UBTD1: variants seen among roughly 807,000 people sequenced by gnomAD.
UBTD1 encodes ubiquitin domain-containing protein 1.
UBTD1 carries 19 observed loss-of-function variants against 21.7 expected under a neutral mutation model. That is an observed-to-expected ratio of 0.87 (90% CI 0.61 to 1.28). The LOEUF is 1.28. Among genes scored for constraint, UBTD1 ranks in the 50% most tolerant of loss-of-function variants. UBTD1 has a pLI of 0.00. For synonymous variants in UBTD1, 116 were observed against 135.1 expected (o/e 0.86, Z 0.98); for missense variants, 282 against 315.1 (o/e 0.89, Z 0.80).
At chr10:97,522,175 C>T (rs1589871044) in intron 1 of UBTD1, among the ~76,000 whole-genome samples, 1 of 152,356 alleles carries the variant, frequency 6.6e-6, no homozygotes, top group East Asian at 1.9e-4. Context: ...GCTGGAAAAG[C>T]CTGAAAGGTC....
chr10:97,522,384 C>T (rs1364897551), intron 1 of UBTD1, among the ~76,000 whole-genome samples: 1 of 152,256 alleles, frequency 6.6e-6, no homozygotes, highest in Non-Finnish European at 1.5e-5. Context: ...TCAGTGTGAA[C>T]TTGGCTGAGC....
intron 1 of UBTD1, among the ~76,000 whole-genome samples, chr10:97,514,186 C>T (rs574716364): frequency 4.3e-4 from 65 of 152,166 alleles, no homozygotes; most frequent in African/African-American, 1.4e-3. Flanking sequence ...CATCTGTGAG[C>T]AGGCAGGATG....
intron 2 of UBTD1, among the ~76,000 whole-genome samples, chr10:97,568,972 C>T (rs761412549): frequency 2.6e-5 from 4 of 152,100 alleles, no homozygotes; most frequent in South Asian, 4.2e-4. Context: ...TACAGGCATG[C>T]GCCATCACGC....
At chr10:97,501,687 G>A (rs2040377172) in intron 1 of UBTD1, among the ~76,000 whole-genome samples, 1 of 152,194 alleles carries the variant, frequency 6.6e-6, no homozygotes, top group Admixed American at 6.5e-5. Context: ...CTGTTCAAGT[G>A]TGGGCCAGTC....
At chr10:97,567,143 T>C (rs1364917789) in intron 1 of UBTD1, among the ~76,000 whole-genome samples, 2 of 151,760 alleles carry the variant, frequency 1.3e-5, no homozygotes, top group East Asian at 3.9e-4. Flanking sequence ...TGACCACAGC[T>C]CACTGCAGCC....
chr10:97,511,735 T>C (rs10732779), intron 1 of UBTD1, among the ~76,000 whole-genome samples: 112,023 of 151,590 alleles, frequency 0.74, 43,736 homozygotes, highest in East Asian at 0.91. Context: ...TTTCATTTCC[T>C]AAGCCTTCAC....
At position 97,570,670 on chromosome 10, in the gene UBTD1, C is replaced by T. The variant is rs112679305; in HGVS notation, c.*147C>T. 1.0e-6 allele frequency: 1 copy of T among 958,486 alleles called. No homozygotes were observed. Among genetic ancestry groups the T allele is most frequent in the Non-Finnish European group, 1.5e-6 (1 of 652,200 alleles). 59.4% of individuals were successfully genotyped at this position (958,486 alleles called of 1,614,324 possible). Reference sequence around the variant, plus strand: ...CGTGAAGGGACCCTGCCTTTCAGGGCACTACGCGCCACCAGTTCCCGGTAC... The same window carrying T: ...CGTGAAGGGACCCTGCCTTTCAGGGTACTACGCGCCACCAGTTCCCGGTAC... On this transcript the variant is annotated 3_prime_UTR_variant, in exon 3 of 3. Coordinates refer to ENST00000370664, the MANE Select transcript of UBTD1 (RefSeq NM_024954.5). The surrounding 1 kb of genome is among the most constrained non-coding windows in gnomAD (Gnocchi z 6.6).
intron 1 of UBTD1, among the ~76,000 whole-genome samples, chr10:97,504,553 C>T (rs1176129831): frequency 1.3e-5 from 2 of 152,202 alleles, no homozygotes; most frequent in Admixed American, 6.5e-5. Flanking sequence ...CACCTGCTCT[C>T]GGCATTATGT....
At chr10:97,550,459 G>A (rs1185159168) in intron 1 of UBTD1, among the ~76,000 whole-genome samples, 1 of 152,024 alleles carries the variant, frequency 6.6e-6, no homozygotes, top group Non-Finnish European at 1.5e-5. Context: ...ATTGAAGGAG[G>A]GGCCAGCCCG....
chr10:97,515,025 TTGA>T (rs2040438668), intron 1 of UBTD1, among the ~76,000 whole-genome samples: 1 of 152,212 alleles, frequency 6.6e-6, no homozygotes, highest in African/African-American at 2.4e-5. Context: ...TTTGGAGACA[TTGA>T]TGATCATCTT....
intron 1 of UBTD1, among the ~76,000 whole-genome samples, chr10:97,559,631 C>T (rs1327370430): frequency 2.0e-5 from 3 of 151,896 alleles, no homozygotes; most frequent in African/African-American, 7.3e-5. Flanking sequence ...TTAATAAAAC[C>T]TTGTAGACAT....
chr10:97,563,567 T>G (rs76589569), intron 1 of UBTD1, among the ~76,000 whole-genome samples: 2,628 of 152,096 alleles, frequency 0.017, 87 homozygotes, highest in African/African-American at 0.06. Context: ...AAAAGGGACT[T>G]CATCAGAGTG....
chr10:97,567,120 G>A (rs2040720646), intron 1 of UBTD1, among the ~76,000 whole-genome samples: 1 of 151,704 alleles, frequency 6.6e-6, no homozygotes, highest in Non-Finnish European at 1.5e-5. Context: ...GCCCAGGATG[G>A]AGTGCAGTGG....
At chr10:97,504,148 G>A (rs557073862) in intron 1 of UBTD1, among the ~76,000 whole-genome samples, 8 of 152,114 alleles carry the variant, frequency 5.3e-5, no homozygotes, top group African/African-American at 1.7e-4. Flanking sequence ...CCTTAAATAT[G>A]TCCCGAACCT....
chr10:97,516,143 C>T (rs571364823), intron 1 of UBTD1, among the ~76,000 whole-genome samples: 1 of 152,320 alleles, frequency 6.6e-6, no homozygotes, highest in African/African-American at 2.4e-5. Context: ...TCAGCAGGAG[C>T]CCCTCCAGGT....
chr10:97,525,732 C>G (rs1293607124), intron 1 of UBTD1, among the ~76,000 whole-genome samples: 1 of 152,196 alleles, frequency 6.6e-6, no homozygotes, highest in Non-Finnish European at 1.5e-5. Flanking sequence ...CTGACATACT[C>G]TAGATGGCCT....
At chr10:97,536,681 C>T (rs1328357593) in intron 1 of UBTD1, among the ~76,000 whole-genome samples, 1 of 152,154 alleles carries the variant, frequency 6.6e-6, no homozygotes, top group Non-Finnish European at 1.5e-5. Flanking sequence ...CTCTACCCAG[C>T]CTGACTCCAG....
rs546764145 is a variant in UBTD1 at position 97,570,828 on chromosome 10, C to T, written c.*305C>T. 3.8e-4 allele frequency: 141 copies of T among 374,782 alleles called. 1 individual carries two copies. The highest frequency in any genetic ancestry group is 2.7e-3 in the African/African-American group (133 of 49,872). 23.2% of individuals were successfully genotyped at this position (374,782 alleles called of 1,614,324 possible). A position where few individuals can be genotyped will look rare whatever the true frequency, so the allele number is the denominator to read the frequency against. On this transcript the variant is annotated 3_prime_UTR_variant, in exon 3 of 3. Transcript: ENST00000370664. The surrounding 1 kb of genome is among the most constrained non-coding windows in gnomAD (Gnocchi z 6.6). The stretch of plus-strand genomic sequence containing the variant: ...ACCAGGAGGCCCCTGGAGCCCAGAT[C>T]TGTCATCTGGTGCTGCCAGCTGTGC...
At chr10:97,503,131 G>T (rs899416790) in intron 1 of UBTD1, among the ~76,000 whole-genome samples, 1 of 152,078 alleles carries the variant, frequency 6.6e-6, no homozygotes, top group African/African-American at 2.4e-5. Flanking sequence ...GCCCAGGCTG[G>T]TCTGAAACTC....
Sources: allele counts gnomAD v4.1 joint callset (sites outside exome capture counted in the v4.1 genomes callset), GRCh38; gene constraint gnomAD v4.1.1; non-coding constraint Gnocchi (gnomAD v3.1); transcripts MANE v1.5; gene names NCBI Gene and HGNC (gene_info 2026-07-23, HGNC 2026-07-21).